LRRD1: variants seen among roughly 807,000 people sequenced by gnomAD.
LRRD1 encodes the protein leucine rich repeats and death domain containing 1.
A neutral mutation model predicts 69.5 loss-of-function variants in LRRD1; 49 were observed. The observed-to-expected ratio is 0.70, with a 90% CI of 0.56 to 0.89. The LOEUF (loss-of-function observed/expected upper bound fraction) is 0.89. Ranked by LOEUF, LRRD1 falls within the 40% of genes least tolerant of loss-of-function variation. The probability of loss-of-function intolerance (pLI) is 0.00; values close to 1 mark genes in which losing one functional copy is unlikely to be tolerated. For synonymous variants in LRRD1, 303 were observed against 338.9 expected, an observed-to-expected ratio of 0.89 and a Z score of 1.16; for missense variants, 853 against 956.0, an observed-to-expected ratio of 0.89 and a Z score of 1.42.
intron 1 of LRRD1, among the ~76,000 whole-genome samples, chr7:92,175,403 T>G (rs1439315294): frequency 1.3e-5 from 2 of 152,130 alleles, no homozygotes; most frequent in Non-Finnish European, 2.9e-5. Flanking sequence ...ATCCCAGCAC[T>G]TAGGGAGGCC....
Position 92,146,103 on chromosome 7 carries a change from T to A in LRRD1, c.2376A>T (p.Glu792Asp). Reference protein sequence around the residue: ...LCQKLNLANSETDMPTKSTVS... With the variant: ...LCQKLNLANSDTDMPTKSTVS... ...CATACCTCTTTGTAGGCATATCAGT[T>A]TCTGAGTTTGCCAGGTTTAGTTTTT... is the stretch of plus-strand genomic sequence containing the variant. Residue 792 changes from glutamate to aspartate, a missense_variant, in exon 5 of 6, where the codon GAA becomes GAT. Glu to Asp is a conservative substitution (Grantham distance 45). Around this residue, in one of 3 missense-constraint regions of LRRD1, gnomAD observed 739 missense variants for 808.0 expected, o/e 0.91. Transcript: ENST00000458448. The A allele has an allele frequency of 1.3e-6, 2 of 1,531,940 alleles. No individual in the cohort carries two copies. The highest frequency in any genetic ancestry group is 1.8e-6 in the Non-Finnish European group (2 of 1,138,364). The allele number at this position is 1,531,940 out of a possible 1,614,324, so 94.9% of individuals were successfully genotyped here. A position where few individuals can be genotyped will look rare whatever the true frequency, so the allele number is the denominator to read the frequency against.
downstream of LRRD1, among the ~76,000 whole-genome samples, chr7:92,143,684 C>T (rs113965893): frequency 0.11 from 17,406 of 152,222 alleles, 1,138 homozygotes; most frequent in East Asian, 0.36. Flanking sequence ...GCGTGCAGCC[C>T]GGGTTCCCGC....
intron 2 of LRRD1, among the ~76,000 whole-genome samples, chr7:92,161,113 C>T (rs1363034542): frequency 2.0e-5 from 3 of 152,194 alleles, no homozygotes; most frequent in South Asian, 2.1e-4. Context: ...GAGGTGGTGT[C>T]TGAGAGCTGT....
At chr7:92,144,825 C>T, downstream of LRRD1, 2 of 1,007,910 alleles carry the variant, frequency 2.0e-6, no homozygotes, top group Non-Finnish European at 1.4e-6. Context: ...TGAAATGGTT[C>T]ACAAACACAG....
chr7:92,147,473 GTGTTTTGTTTTGTTTTGTTT>G (rs66668611), intron 4 of LRRD1, among the ~76,000 whole-genome samples: 4 of 149,812 alleles, frequency 2.7e-5, no homozygotes, highest in Non-Finnish European at 4.4e-5. Context: ...GTGCGTGGGT[GTGTTTTGTTTTGTTTTGTTT>G]TGTTTTGTTT....
At position 92,164,445 on chromosome 7, in the gene LRRD1, AAGTC is replaced by A. The variant is rs748107762; in HGVS notation, c.754_757del (p.Asp252Ter). 19 of 1,550,084 alleles carry A rather than the reference AAGTC, an allele frequency of 1.2e-5. No individual in the cohort carries two copies. Among genetic ancestry groups the A allele is most frequent in the South Asian group, 6.0e-5 (5 of 83,916 alleles). Reference sequence around the variant, plus strand: ...AATTTCCAAGTTTCCAAGACATTCTAAGTCAGAAGGAAAATTTTCAATGTAATTG... The same window carrying A: ...AATTTCCAAGTTTCCAAGACATTCTAAGAAGGAAAATTTTCAATGTAATTG... On this transcript the variant is annotated frameshift_variant, in exon 2 of 6. Coordinates refer to ENST00000458448, the MANE Select transcript of LRRD1 (RefSeq NM_001161528.2). LOFTEE classifies it high-confidence loss of function.
chr7:92,145,151 T>A, intron 5 of LRRD1, 77 bp from the exon 6 acceptor site: 5 of 789,192 alleles, frequency 6.3e-6, no homozygotes, highest in Non-Finnish European at 8.6e-6. Context: ...GATAATTATC[T>A]GAATTGTCAA....
intron 5 of LRRD1, 60 bp from the exon 6 acceptor site, chr7:92,145,134 A>ACT: frequency 1.2e-6 from 1 of 817,750 alleles, no homozygotes; most frequent in African/African-American, 1.8e-5. Flanking sequence ...AATATATTTA[A>ACT]ATTACTGATA....
At chr7:92,166,707 T>C (rs1788919285) in intron 1 of LRRD1, among the ~76,000 whole-genome samples, 1 of 152,212 alleles carries the variant, frequency 6.6e-6, no homozygotes, top group Non-Finnish European at 1.5e-5. Context: ...TTGCAATAGA[T>C]GTAGAAGTAC....
At chr7:92,167,001 GA>G (rs1788925520) in intron 1 of LRRD1, among the ~76,000 whole-genome samples, 16 of 151,826 alleles carry the variant, frequency 1.1e-4, no homozygotes, top group Admixed American at 9.8e-4. Flanking sequence ...TATATATGTA[GA>G]AAATCCAAGC....
intron 1 of LRRD1, among the ~76,000 whole-genome samples, chr7:92,171,454 A>G (rs1033885447): frequency 6.6e-6 from 1 of 152,172 alleles, no homozygotes; most frequent in African/African-American, 2.4e-5. Flanking sequence ...GGACACATGT[A>G]ACCTACCAAG....
At position 92,165,012 on chromosome 7, in the gene LRRD1, G is replaced by C. The variant is rs1788877294; in HGVS notation, c.191C>G (p.Thr64Arg). 5.2e-6 allele frequency: 8 copies of C among 1,551,262 alleles called. No homozygotes were observed. Among genetic ancestry groups the C allele is most frequent in the Non-Finnish European group, 6.1e-6 (7 of 1,146,844 alleles). The change falls in exon 2 of 6, where the codon ACA becomes AGA. Residue 64 changes from threonine (T) to arginine (R), a missense_variant. Thr to Arg is a moderately conservative substitution (Grantham distance 71). Transcript: ENST00000458448. Reference protein sequence around the residue: ...QIYETHPRQNTLESTSSSGRK... With the variant: ...QIYETHPRQNRLESTSSSGRK... Reference sequence around the variant, plus strand: ...TCCAGAGGAAGATGTTGACTCTAATGTATTCTGTCTAGGATGTGTTTCATA... The same window carrying C: ...TCCAGAGGAAGATGTTGACTCTAATCTATTCTGTCTAGGATGTGTTTCATA...
intron 3 of LRRD1, among the ~76,000 whole-genome samples, chr7:92,153,014 G>A (rs761818211): frequency 6.6e-6 from 1 of 151,692 alleles, no homozygotes; most frequent in Non-Finnish European, 1.5e-5. Context: ...TAGTTAATTT[G>A]CATTTCTCTA....
At chr7:92,171,150 A>G (rs1789049265) in intron 1 of LRRD1, among the ~76,000 whole-genome samples, 2 of 152,150 alleles carry the variant, frequency 1.3e-5, no homozygotes, top group South Asian at 4.1e-4. Context: ...GGAAGAACAA[A>G]CCAAATTAAA....
chr7:92,143,804 G>C (rs1434809797), downstream of LRRD1, among the ~76,000 whole-genome samples: 1 of 152,244 alleles, frequency 6.6e-6, no homozygotes, highest in African/African-American at 2.4e-5. Flanking sequence ...GGCTCCTCAA[G>C]TGCCGCCAAA....
rs1305734306 is a variant in LRRD1, at chr7:92,176,986, AATAT to A, written c.-75+2017_-75+2020del. Among the ~76,000 whole-genome samples the A allele has an allele frequency of 3.4e-5, 5 of 148,562 alleles. No homozygotes were observed. The Admixed American group carries it at 3.4e-4, about 10-fold the overall frequency. On this transcript the variant is annotated intron_variant, in intron 1 of 5. Transcript: ENST00000458448. ...TAAAACAAGAATATATTACTTGTAT[AATAT>A]ATAAATAATAAAAATATAAGAAATT...
chr7:92,164,840 T>C lies in LRRD1; in HGVS notation c.363A>G (p.Thr121=), dbSNP rs754044113. 1.2e-5 allele frequency: 19 copies of C among 1,551,524 alleles called. No homozygotes were observed. Among genetic ancestry groups the C allele is most frequent in the Non-Finnish European group, 1.5e-5 (17 of 1,146,928 alleles). The change falls in exon 2 of 6, where the codon ACA becomes ACG. Residue 121 remains threonine, a synonymous_variant. Coordinates refer to ENST00000458448, the MANE Select transcript of LRRD1 (RefSeq NM_001161528.2). ...AGACTTGTGGACTAACTTCTCCTAC[T>C]GTTTCATGAGATAGGAAGTTAACCA... ...QALVNFLSHE[T]VGEVSPQVSE... is the part of the protein sequence containing the mutation.
At chr7:92,145,435 T>C (rs115129385) in intron 5 of LRRD1, among the ~76,000 whole-genome samples, 2,580 of 150,870 alleles carry the variant, frequency 0.017, 62 homozygotes, top group African/African-American at 0.06. Flanking sequence ...TACTATACTA[T>C]ATGCTTTTTT....
chr7:92,152,285 A>G (rs146350424), intron 3 of LRRD1, among the ~76,000 whole-genome samples: 46 of 151,948 alleles, frequency 3.0e-4, no homozygotes, highest in African/African-American at 1.1e-3. Context: ...GACTTCTTTC[A>G]CTTAGCATTA....
Sources: allele counts gnomAD v4.1 joint callset (sites outside exome capture counted in the v4.1 genomes callset), GRCh38; gene constraint gnomAD v4.1.1; regional missense constraint gnomAD v4.1.1; transcripts MANE v1.5; gene names NCBI Gene and HGNC (gene_info 2026-07-23, HGNC 2026-07-21).